Variants in ATIC observed in about 807,000 individuals in gnomAD.
ATIC encodes the protein bifunctional purine biosynthesis protein ATIC.
In ATIC, 64 loss-of-function variants were observed where a neutral mutation model predicts 72.5. The ratio of observed to expected loss-of-function variants is 0.88; its 90% CI spans 0.72 to 1.09. ATIC has a LOEUF of 1.09. Among genes scored for constraint, ATIC ranks in the 50% least tolerant of loss-of-function variants. The pLI is 0.00. For missense variants in ATIC, 787 were observed against 732.4 expected, an observed-to-expected ratio of 1.07 and a Z score of -0.86; for synonymous variants, 281 against 267.1, an observed-to-expected ratio of 1.05 and a Z score of -0.51.
the ATIC span, chr2:215,364,668 T>C: frequency 1.7e-6 from 1 of 599,466 alleles, no homozygotes; most frequent in East Asian, 2.8e-5. Context: ...ATTCATTCTT[T>C]CTACTAAGAG....
chr2:215,347,177 T>A (rs1220839460), intron 14 of ATIC: 8 of 539,552 alleles, frequency 1.5e-5, no homozygotes, highest in Non-Finnish European at 2.6e-5. Flanking sequence ...CTTTTTAAAT[T>A]GCAGCCTTGG....
intron 11 of ATIC, among the ~76,000 whole-genome samples, chr2:215,337,306 T>A (rs945233046): frequency 6.6e-6 from 1 of 152,192 alleles, no homozygotes; most frequent in African/African-American, 2.4e-5. Context: ...ACCAATAATT[T>A]TATAGTTCAC....
downstream of ATIC, among the ~76,000 whole-genome samples, chr2:215,350,240 G>A (rs2053120042): frequency 2.0e-5 from 3 of 152,102 alleles, no homozygotes. Flanking sequence ...GGGTTCAAGC[G>A]ATTCTCCTGC....
intron 2 of ATIC, among the ~76,000 whole-genome samples, chr2:215,317,019 T>C (rs2052717259): frequency 6.6e-6 from 1 of 152,194 alleles, no homozygotes; most frequent in African/African-American, 2.4e-5. Flanking sequence ...CGCCTTGGCC[T>C]CCCAAAGTGC....
chr2:215,316,362 G>A (rs2052709360), intron 2 of ATIC, among the ~76,000 whole-genome samples: 1 of 152,198 alleles, frequency 6.6e-6, no homozygotes. Flanking sequence ...TCAAACACCA[G>A]TCATTTGCAA....
chr2:215,339,294 G>C (rs941229037), intron 12 of ATIC, among the ~76,000 whole-genome samples: 1 of 152,200 alleles, frequency 6.6e-6, no homozygotes, highest in Non-Finnish European at 1.5e-5. Context: ...CCAAGGGGCA[G>C]CTCTCTTGAG....
the ATIC span, chr2:215,361,725 T>C: frequency 1.4e-4 from 150 of 1,039,446 alleles, no homozygotes; most frequent in Non-Finnish European, 2.2e-4. Flanking sequence ...CAGCTGCTTA[T>C]AGATAGGATA....
chr2:215,366,096 G>A, the ATIC span, among the ~76,000 whole-genome samples: 1 of 151,594 alleles, frequency 6.6e-6, no homozygotes, highest in South Asian at 2.1e-4. Flanking sequence ...GGGATTACAG[G>A]TGTGAGCCAC....
At chr2:215,334,250 G>T (rs1390109288) in intron 9 of ATIC, among the ~76,000 whole-genome samples, 1 of 140,366 alleles carries the variant, frequency 7.1e-6, no homozygotes, top group African/African-American at 2.7e-5. Context: ...CTGGAGTGCA[G>T]TGGCGCCATC....
At chr2:215,320,376 T>C (rs1371802644) in intron 4 of ATIC, among the ~76,000 whole-genome samples, 1 of 152,154 alleles carries the variant, frequency 6.6e-6, no homozygotes, top group African/African-American at 2.4e-5. Flanking sequence ...GGGTAATTTA[T>C]GAAAACAGGT....
At chr2:215,358,003 T>C in the ATIC span, among the ~76,000 whole-genome samples, 2 of 152,322 alleles carry the variant, frequency 1.3e-5, no homozygotes, top group Admixed American at 1.3e-4. Flanking sequence ...TTAATCACTT[T>C]AATGAGTTTC....
At chr2:215,337,434 T>C (rs1365965841) in intron 11 of ATIC, among the ~76,000 whole-genome samples, 1 of 152,186 alleles carries the variant, frequency 6.6e-6, no homozygotes, top group Admixed American at 6.5e-5. Flanking sequence ...TGGTGTGATC[T>C]TGGCTCACTG....
the ATIC span, chr2:215,361,913 T>C: frequency 6.3e-7 from 1 of 1,588,904 alleles, no homozygotes; most frequent in Non-Finnish European, 8.6e-7. Flanking sequence ...GAAAGATACC[T>C]GTAGAAAGAG....
At chr2:215,366,632 A>G in the ATIC span, among the ~76,000 whole-genome samples, 1 of 152,220 alleles carries the variant, frequency 6.6e-6, no homozygotes, top group African/African-American at 2.4e-5. Flanking sequence ...TCAGAAGCTT[A>G]TATAACAATA....
chr2:215,336,347 G>GCCTA (rs142821131), intron 11 of ATIC, among the ~76,000 whole-genome samples: 158 of 152,306 alleles, frequency 1.0e-3, no homozygotes, highest in African/African-American at 3.7e-3. Flanking sequence ...GATGGCTCAT[G>GCCTA]CCTATAATTT....
At chr2:215,361,352 C>T in the ATIC span, 1 of 621,164 alleles carries the variant, frequency 1.6e-6, no homozygotes, top group East Asian at 2.8e-5. Context: ...CAATGTGCAG[C>T]CCTCATTTAT....
rs1055597274 is a variant in ATIC at position 215,347,167 on chromosome 2, CTT to C, written c.1503+230_1503+231del. On this transcript the variant is annotated intron_variant, in intron 14 of 15. Transcript: ENST00000236959. Reference sequence around the variant, plus strand: ...CCTTTCTGAAACCACAGTCCTCTGTCTTTTTAAATTGCAGCCTTGGTGTAGGT... The same window carrying C: ...CCTTTCTGAAACCACAGTCCTCTGTCTTTAAATTGCAGCCTTGGTGTAGGT... 12 of 568,954 alleles carry C rather than the reference CTT, an allele frequency of 2.1e-5. No individual in the cohort carries two copies. The Admixed American group carries it at 2.4e-4, about 12-fold the overall frequency. 35.2% of individuals were successfully genotyped at this position (568,954 alleles called of 1,614,324 possible). A position where few individuals can be genotyped will look rare whatever the true frequency, so the allele number is the denominator to read the frequency against.
chr2:215,357,376 A>G, the ATIC span, among the ~76,000 whole-genome samples: 2 of 152,198 alleles, frequency 1.3e-5, no homozygotes, highest in Admixed American at 1.3e-4. Flanking sequence ...GCTGCCTCGT[A>G]CAGCTTCAAC....
rs1471727605 is a variant in ATIC at position 215,326,235 on chromosome 2, C to T, written c.531+97C>T. 4.1e-6 allele frequency: 6 copies of T among 1,454,050 alleles called. No individual in the cohort carries two copies. The South Asian group carries it at 7.1e-5, about 17-fold the overall frequency. 90.1% of individuals were successfully genotyped at this position (1,454,050 alleles called of 1,614,324 possible). A position where few individuals can be genotyped will look rare whatever the true frequency, so the allele number is the denominator to read the frequency against. ...AGTTCTTGGTAGATTGCATTACCTA[C>T]CAAAGCTTTGCTTGGAGCTGCTATC... On this transcript the variant is annotated intron_variant, in intron 6 of 15. Transcript: ENST00000236959.
Sources: gnomAD v4.1 joint callset for allele counts (sites outside exome capture counted in the v4.1 genomes callset) on GRCh38, gnomAD v4.1.1 for gene constraint, MANE v1.5 for transcripts, NCBI Gene and HGNC (gene_info 2026-07-23, HGNC 2026-07-21) for gene names.